RAET1G: variants seen among roughly 807,000 people sequenced by gnomAD.
RAET1G encodes the protein retinoic acid early transcript 1G, also known as UL-16 binding protein 5.
A neutral mutation model predicts 29.5 loss-of-function variants in RAET1G; 25 were observed. The observed-to-expected ratio is 0.85, with a 90% CI of 0.62 to 1.18. The LOEUF is 1.18. Among genes scored for constraint, RAET1G ranks in the 50% most tolerant of loss-of-function variants. RAET1G has a pLI of 0.00. For missense variants in RAET1G, 434 were observed against 423.6 expected, an observed-to-expected ratio of 1.02 and a Z score of -0.22; for synonymous variants, 167 against 159.5, an observed-to-expected ratio of 1.05 and a Z score of -0.36.
chr6:149,917,079 G>A lies in RAET1G; in HGVS notation c.843-5C>T. On this transcript the variant is annotated splice_region_variant and splice_polypyrimidine_tract_variant and intron_variant, in intron 4 of 4. Transcript: ENST00000367360. ...GGGCGCTTCGCTATTTGGTAGCTGA[G>A]GCGGAGAGAGAGAGGACAGCTTACG... 6.5e-7 allele frequency: 1 copy of A among 1,542,820 alleles called. No individual in the cohort carries two copies. The highest frequency in any genetic ancestry group is 1.2e-5 in the South Asian group (1 of 82,396).
chr6:149,917,209 AC>A, intron 4 of RAET1G, 135 bp from the exon 5 acceptor site: 1 of 1,271,602 alleles, frequency 7.9e-7, no homozygotes, highest in Non-Finnish European at 1.0e-6. Flanking sequence ...ATGAAAGTGG[AC>A]CAGGAGCGTG....
intron 4 of RAET1G, 42 bp downstream of exon 4, chr6:149,918,132 A>C: frequency 6.4e-7 from 1 of 1,567,884 alleles, no homozygotes; most frequent in Non-Finnish European, 8.8e-7. Context: ...CTCCCTCCTC[A>C]CCCACCTGCC....
At chr6:149,922,033 G>A (rs1778609941) in intron 1 of RAET1G, among the ~76,000 whole-genome samples, 1 of 152,156 alleles carries the variant, frequency 6.6e-6, no homozygotes, top group Non-Finnish European at 1.5e-5. Flanking sequence ...TCTAGAAAGG[G>A]TTTGCTGACC....
chr6:149,917,450 G>T (rs552577614), intron 4 of RAET1G, among the ~76,000 whole-genome samples: 2 of 152,348 alleles, frequency 1.3e-5, no homozygotes, highest in African/African-American at 2.4e-5. Flanking sequence ...GCATGACAGA[G>T]GGCTCACACT....
chr6:149,917,141 C>T, intron 4 of RAET1G, 67 bp from the exon 5 acceptor site: 5 of 1,456,498 alleles, frequency 3.4e-6, no homozygotes, highest in Non-Finnish European at 4.5e-6. Context: ...GACTTCAATA[C>T]TTTCACTAAT....
intron 4 of RAET1G, 149 bp from the exon 5 acceptor site, chr6:149,917,223 C>T: frequency 1.7e-6 from 2 of 1,208,560 alleles, no homozygotes; most frequent in Non-Finnish European, 2.1e-6. Flanking sequence ...GGAGCGTGAC[C>T]CTGAAGCACA....
intron 1 of RAET1G, among the ~76,000 whole-genome samples, chr6:149,921,828 A>G (rs1290257841): frequency 6.6e-6 from 1 of 152,094 alleles, no homozygotes; most frequent in Non-Finnish European, 1.5e-5. Flanking sequence ...AGATGACACC[A>G]TAGGGGATGG....
intron 1 of RAET1G, among the ~76,000 whole-genome samples, chr6:149,920,211 G>T (rs572084269): frequency 6.6e-6 from 1 of 152,274 alleles, no homozygotes; most frequent in South Asian, 2.1e-4. Context: ...GAGGATACTG[G>T]TGCATGGTGG....
chr6:149,917,514 C>G (rs1778473604), intron 4 of RAET1G, among the ~76,000 whole-genome samples: 1 of 152,158 alleles, frequency 6.6e-6, no homozygotes, highest in African/African-American at 2.4e-5. Flanking sequence ...CTCTGCATGG[C>G]CTGGTTTTTC....
chr6:149,919,458 T>C, intron 2 of RAET1G, 95 bp downstream of exon 2: 2 of 1,611,864 alleles, frequency 1.2e-6, no homozygotes, highest in Non-Finnish European at 1.7e-6. Flanking sequence ...CGGGGTGAGA[T>C]GACCTTCCTA....
At chr6:149,921,984 C>T (rs867192874) in intron 1 of RAET1G, among the ~76,000 whole-genome samples, 3 of 152,280 alleles carry the variant, frequency 2.0e-5, no homozygotes, top group South Asian at 2.1e-4. Context: ...GACGGAGAAC[C>T]CAAGGCCTGC....
chr6:149,919,046 C>T lies in RAET1G; in HGVS notation c.628G>A (p.Gly210Arg). ...GMDSTLEPSA[G>R]APPTMSSGTA... is the part of the protein sequence containing the mutation. ...CCATTTCTTTTTCTCCTGTTACCTC[C>T]TGCACTTGGCTCCAGGGTGCTGTCC... Residue 210 changes from glycine to arginine, a missense_variant, in exon 3 of 5, where the codon GGA becomes AGA. Gly to Arg is a moderately radical substitution (Grantham distance 125). Transcript: ENST00000367360. 1 of 1,613,854 alleles carries T rather than the reference C, an allele frequency of 6.2e-7. No homozygotes were observed.
At chr6:149,921,376 T>C (rs1220306497) in intron 1 of RAET1G, among the ~76,000 whole-genome samples, 1 of 152,202 alleles carries the variant, frequency 6.6e-6, no homozygotes, top group Admixed American at 6.5e-5. Context: ...AAGTGTCTCC[T>C]GTAGAGTACT....
rs777806595 is a variant in RAET1G, at chr6:149,919,816, T to C, written c.86A>G (p.Asp29Gly). ...GATGTCATAGCAAAGAGAGTGAGGG[T>C]CTGTGGAGAAAGGCAGGTGAGGGGT... ...LSSWCRTGLA[D>G]PHSLCYDITV... The change falls in exon 2 of 5, where the codon GAC (aspartate) becomes GGC (glycine). Residue 29 changes from aspartate to glycine, a missense_variant and splice_region_variant. Coordinates refer to ENST00000367360, the MANE Select transcript of RAET1G (RefSeq NM_001001788.4). The C allele has an allele frequency of 6.2e-7, 1 of 1,611,788 alleles. No homozygotes were observed. The highest frequency in any genetic ancestry group is 1.7e-5 in the Admixed American group (1 of 59,992).
In RAET1G at chr6:149,916,909, C is replaced by A; in HGVS notation, c.*3G>T. 6.6e-7 allele frequency: 1 copy of A among 1,505,332 alleles called. No individual in the cohort carries two copies. Among genetic ancestry groups the A allele is most frequent in the Non-Finnish European group, 8.9e-7 (1 of 1,124,462 alleles). 93.2% of individuals were successfully genotyped at this position (1,505,332 alleles called of 1,614,324 possible). ...AGAAAAGACAGCTGGGCCCAGGGAACCATCAAGATATGGAGACCTGTAGTG... is the reference window on the plus strand; with the variant it reads ...AGAAAAGACAGCTGGGCCCAGGGAAACATCAAGATATGGAGACCTGTAGTG... On this transcript the variant is annotated 3_prime_UTR_variant, in exon 5 of 5. Coordinates refer to ENST00000367360, the MANE Select transcript of RAET1G (RefSeq NM_001001788.4).
At chr6:149,918,872 A>G in intron 3 of RAET1G, 171 bp downstream of exon 3, 1 of 945,732 alleles carries the variant, frequency 1.1e-6, no homozygotes, top group Non-Finnish European at 1.6e-6. Flanking sequence ...AAGGAAGAGG[A>G]GGGTGGGAGA....
At chr6:149,918,142 C>A in intron 4 of RAET1G, 32 bp downstream of exon 4, 1 of 1,594,520 alleles carries the variant, frequency 6.3e-7, no homozygotes, top group Non-Finnish European at 8.6e-7. Flanking sequence ...ACCCACCTGC[C>A]CTTTGCTCCA....
chr6:149,917,091 G>A lies in RAET1G; in HGVS notation c.843-17C>T. On this transcript the variant is annotated splice_polypyrimidine_tract_variant and intron_variant, in intron 4 of 4. Coordinates refer to ENST00000367360, the MANE Select transcript of RAET1G (RefSeq NM_001001788.4). Reference sequence around the variant, plus strand: ...ATTTGGTAGCTGAGGCGGAGAGAGAGAGGACAGCTTACGTCATTGTTTCTT... The same window carrying A: ...ATTTGGTAGCTGAGGCGGAGAGAGAAAGGACAGCTTACGTCATTGTTTCTT... 1.3e-6 allele frequency: 2 copies of A among 1,538,102 alleles called. No individual in the cohort carries two copies. The highest frequency in any genetic ancestry group is 1.2e-5 in the South Asian group (1 of 81,570).
chr6:149,917,735 A>C lies in RAET1G; in HGVS notation c.842+439T>G, dbSNP rs557646083. On this transcript the variant is annotated intron_variant, in intron 4 of 4. Coordinates refer to ENST00000367360, the MANE Select transcript of RAET1G (RefSeq NM_001001788.4). Reference sequence around the variant, plus strand: ...CCTGGGTGGCTTGCCGCCCACACATATCTCTCTCTTAGCCTCAGAGATGGA... The same window carrying C: ...CCTGGGTGGCTTGCCGCCCACACATCTCTCTCTCTTAGCCTCAGAGATGGA... Among the ~76,000 whole-genome samples, 6 of 152,090 alleles carry C rather than the reference A, an allele frequency of 3.9e-5. No individual in the cohort carries two copies. The East Asian group carries it at 7.7e-4, about 20-fold the overall frequency.
Sources: gnomAD v4.1 joint callset for allele counts (sites outside exome capture counted in the v4.1 genomes callset) on GRCh38, gnomAD v4.1.1 for gene constraint, MANE v1.5 for transcripts, NCBI Gene and HGNC (gene_info 2026-07-23, HGNC 2026-07-21) for gene names.